MYRIP: variants seen among roughly 807,000 people sequenced by gnomAD.
MYRIP encodes the protein rab effector MyRIP.
Under a neutral mutation model 98.0 loss-of-function variants are expected in MYRIP, and 49 were observed. That is an observed-to-expected ratio of 0.50 (90% CI 0.40 to 0.63). MYRIP has a LOEUF of 0.63. Ranked by LOEUF, MYRIP falls within the 30% of genes least tolerant of loss-of-function variation. MYRIP has a pLI of 0.00. For synonymous variants in MYRIP, 404 were observed against 409.5 expected, an observed-to-expected ratio of 0.99 and a Z score of 0.16; for missense variants, 1,004 against 1,058.2, an observed-to-expected ratio of 0.95 and a Z score of 0.71.
chr3:40,136,467 C>G (rs1324455645), intron 3 of MYRIP, among the ~76,000 whole-genome samples: 2 of 152,226 alleles, frequency 1.3e-5, no homozygotes, highest in African/African-American at 4.8e-5. Context: ...CAACATTAGA[C>G]ACATCAGTGA....
At chr3:40,241,403 A>G (rs915258305) in intron 12 of MYRIP, among the ~76,000 whole-genome samples, 1 of 152,206 alleles carries the variant, frequency 6.6e-6, no homozygotes, top group African/African-American at 2.4e-5. Flanking sequence ...GGAGACAACC[A>G]TGGTTACTCA....
chr3:39,919,135 C>T (rs1167178977), intron 2 of MYRIP, among the ~76,000 whole-genome samples: 1 of 152,144 alleles, frequency 6.6e-6, no homozygotes, highest in Non-Finnish European at 1.5e-5. Flanking sequence ...GTTTTCTTCA[C>T]GTGCGAGAAA....
chr3:39,862,654 T>G lies in MYRIP; in HGVS notation c.-30-38133T>G, dbSNP rs567634225. Among the ~76,000 whole-genome samples the G allele has an allele frequency of 2.6e-5, 4 of 152,284 alleles. No homozygotes were observed. In the East Asian group the frequency reaches 5.8e-4, roughly 22 times the overall value. On this transcript the variant is annotated intron_variant, in intron 1 of 16. Transcript: ENST00000302541. Reference sequence around the variant, plus strand: ...CACCCAGATTCATAAAGCAAGTTCTTAGAGACCTACAAAGAGACTTAATCA... The same window carrying G: ...CACCCAGATTCATAAAGCAAGTTCTGAGAGACCTACAAAGAGACTTAATCA...
chr3:40,011,050 C>T (rs1480563265), intron 2 of MYRIP, among the ~76,000 whole-genome samples: 6 of 139,012 alleles, frequency 4.3e-5, no homozygotes, highest in East Asian at 4.3e-4. Flanking sequence ...TCCTGCATTT[C>T]TGATCTACAC....
chr3:40,200,131 T>TTTTTTTTTTTTTGAG (rs1553626079), intron 10 of MYRIP, among the ~76,000 whole-genome samples: 1 of 149,660 alleles, frequency 6.7e-6, no homozygotes, highest in African/African-American at 2.4e-5. Context: ...ATTTTCTTTT[T>TTTTTTTTTTTTTGAG]ATCATAGGCC....
intron 2 of MYRIP, among the ~76,000 whole-genome samples, chr3:39,990,413 C>T (rs939297532): frequency 3.3e-5 from 5 of 152,202 alleles, no homozygotes; most frequent in African/African-American, 1.2e-4. Flanking sequence ...GCCACTGCTT[C>T]TAGTCAGCCA....
chr3:39,886,971 G>A lies in MYRIP; in HGVS notation c.-30-13816G>A, dbSNP rs1226539797. On this transcript the variant is annotated intron_variant, in intron 1 of 16. Coordinates refer to ENST00000302541, the MANE Select transcript of MYRIP (RefSeq NM_015460.4). The stretch of plus-strand genomic sequence containing the variant: ...TCTCCTCAGCAAATGTAAAAGAACA[G>A]AAATTATAACAAACTGTCTCTCAGA... Among the ~76,000 whole-genome samples, 19 of 152,032 alleles carry A rather than the reference G, an allele frequency of 1.2e-4. No homozygotes were observed. The Middle Eastern group carries it at 0.014, about 109-fold the overall frequency.
At chr3:40,142,031 G>A (rs1949907592) in intron 3 of MYRIP, among the ~76,000 whole-genome samples, 2 of 150,570 alleles carry the variant, frequency 1.3e-5, no homozygotes, top group Non-Finnish European at 3.0e-5. Flanking sequence ...AGATTGCTCT[G>A]GGTAGTATGC....
Position 39,824,670 on chromosome 3 carries a change from ATTGT to A in MYRIP, c.-31+14759_-31+14762del, listed in dbSNP as rs1559486900. On this transcript the variant is annotated intron_variant, in intron 1 of 16. Coordinates refer to ENST00000302541, the MANE Select transcript of MYRIP (RefSeq NM_015460.4). ...TCTGGATTTCTTTTTCAGATAGTTG[ATTGT>A]TTGTGCATATTAATCCTACTAATCC... Among the ~76,000 whole-genome samples the A allele has an allele frequency of 6.7e-5, 10 of 149,276 alleles. 1 individual carries two copies. In the South Asian group the frequency reaches 2.1e-3, roughly 31 times the overall value.
At chr3:39,837,049 C>T (rs147822643) in intron 1 of MYRIP, among the ~76,000 whole-genome samples, 11 of 150,800 alleles carry the variant, frequency 7.3e-5, no homozygotes, top group African/African-American at 2.7e-4. Flanking sequence ...TCAATTATTA[C>T]AGCTATGTAA....
intron 1 of MYRIP, among the ~76,000 whole-genome samples, chr3:39,858,960 T>TA (rs1248226172): frequency 6.6e-6 from 1 of 151,978 alleles, no homozygotes; most frequent in Non-Finnish European, 1.5e-5. Context: ...TAAACAGCCT[T>TA]ACTTTACACC....
chr3:40,025,017 C>A (rs978944481), intron 2 of MYRIP, among the ~76,000 whole-genome samples: 2 of 152,098 alleles, frequency 1.3e-5, no homozygotes, highest in African/African-American at 4.8e-5. Context: ...CCCTTCTTTG[C>A]CAAAAAAAGA....
intron 12 of MYRIP, chr3:40,242,438 G>A (rs1177291826): frequency 6.7e-6 from 1 of 149,812 alleles, no homozygotes; most frequent in Non-Finnish European, 1.5e-5. Context: ...AGTAAAACAT[G>A]AACATTCTGG....
At chr3:39,858,218 G>A (rs568041314) in intron 1 of MYRIP, among the ~76,000 whole-genome samples, 3 of 152,166 alleles carry the variant, frequency 2.0e-5, no homozygotes, top group African/African-American at 7.2e-5. Context: ...CTGTGAAAAT[G>A]ATAACCAAAA....
At chr3:40,194,944 T>G (rs1374445363) in intron 10 of MYRIP, among the ~76,000 whole-genome samples, 1 of 152,232 alleles carries the variant, frequency 6.6e-6, no homozygotes, top group East Asian at 1.9e-4. Flanking sequence ...CAGTAGTATT[T>G]TGGGTGATCA....
intron 2 of MYRIP, among the ~76,000 whole-genome samples, chr3:39,927,421 C>G (rs116800389): frequency 6.6e-6 from 1 of 151,796 alleles, no homozygotes; most frequent in Non-Finnish European, 1.5e-5. Flanking sequence ...AAGGGGAATG[C>G]GTCCAGCTTT....
At chr3:39,860,990 C>CA (rs1319299317) in intron 1 of MYRIP, among the ~76,000 whole-genome samples, 4 of 152,258 alleles carry the variant, frequency 2.6e-5, no homozygotes, top group Non-Finnish European at 5.9e-5. Context: ...TCTCAGCCAA[C>CA]AAGCATGCGT....
At chr3:40,176,817 G>A (rs577322713) in intron 8 of MYRIP, among the ~76,000 whole-genome samples, 35 of 150,028 alleles carry the variant, frequency 2.3e-4, no homozygotes, top group African/African-American at 7.9e-4. Flanking sequence ...GCCGAGGCAG[G>A]AGAATTGCTT....
At chr3:39,978,180 T>G (rs1386194926) in intron 2 of MYRIP, among the ~76,000 whole-genome samples, 1 of 152,196 alleles carries the variant, frequency 6.6e-6, no homozygotes, top group Non-Finnish European at 1.5e-5. Flanking sequence ...GAATTGAGAC[T>G]GGGGTGACAT....
Sources: allele counts gnomAD v4.1 joint callset (sites outside exome capture counted in the v4.1 genomes callset), GRCh38; gene constraint gnomAD v4.1.1; transcripts MANE v1.5; gene names NCBI Gene and HGNC (gene_info 2026-07-23, HGNC 2026-07-21).